PDE4B: variants seen among roughly 807,000 people sequenced by gnomAD.
The protein encoded by PDE4B is phosphodiesterase 4B.
A neutral mutation model predicts 82.2 loss-of-function variants in PDE4B; 20 were observed. The observed-to-expected ratio is 0.24, with a 90% CI of 0.17 to 0.35. PDE4B has a LOEUF of 0.35. Ranked by LOEUF, PDE4B falls within the 10% of genes least tolerant of loss-of-function variation. PDE4B has a pLI of 1.00. For missense variants in PDE4B, 655 were observed against 907.2 expected, an observed-to-expected ratio of 0.72 and a Z score of 3.57; for synonymous variants, 320 against 318.9, an observed-to-expected ratio of 1.00 and a Z score of -0.04.
In PDE4B at chr1:66,080,172, A is replaced by T. The variant is rs541116397; in HGVS notation, c.281+161337A>T. Among the ~76,000 whole-genome samples the T allele has an allele frequency of 1.2e-4, 19 of 152,238 alleles. 1 individual carries two copies. The highest frequency in any genetic ancestry group is 8.5e-4 in the Admixed American group (13 of 15,278). The stretch of plus-strand genomic sequence containing the variant: ...ATAATGGGAGCTATTGACCAGATTG[A>T]CATTTCTGTGGTTTTGTGCCATGGC... On this transcript the variant is annotated intron_variant, in intron 3 of 16. Transcript: ENST00000341517.
At chr1:66,219,055 A>T (rs1397924779) in intron 3 of PDE4B, among the ~76,000 whole-genome samples, 1 of 152,174 alleles carries the variant, frequency 6.6e-6, no homozygotes, top group Non-Finnish European at 1.5e-5. Context: ...CCACTCACTT[A>T]GGGTATATAA....
intron 1 of PDE4B, among the ~76,000 whole-genome samples, chr1:65,886,068 A>G (rs1028262392): frequency 2.0e-5 from 3 of 151,506 alleles, no homozygotes; most frequent in Non-Finnish European, 4.4e-5. Context: ...AAAGGAACAT[A>G]AAATATCTCA....
chr1:66,203,993 C>T (rs1649290934), intron 3 of PDE4B, among the ~76,000 whole-genome samples: 1 of 152,228 alleles, frequency 6.6e-6, no homozygotes, highest in Non-Finnish European at 1.5e-5. Context: ...TACTTTTGGT[C>T]TTTGATGATG....
chr1:66,268,667 C>CAAAA (rs36046564), intron 7 of PDE4B, among the ~76,000 whole-genome samples: 323 of 60,610 alleles, frequency 5.3e-3, no homozygotes, highest in Middle Eastern at 0.017. Flanking sequence ...GACTCCATCT[C>CAAAA]AAAAAAAAAA....
At chr1:66,362,397 G>A (rs894582488) in intron 10 of PDE4B, among the ~76,000 whole-genome samples, 4 of 152,062 alleles carry the variant, frequency 2.6e-5, no homozygotes, top group Non-Finnish European at 5.9e-5. Context: ...AGTGACTGCT[G>A]AGGTCCTCTC....
At chr1:66,274,185 AG>A (rs1459584595) in intron 7 of PDE4B, among the ~76,000 whole-genome samples, 1 of 149,758 alleles carries the variant, frequency 6.7e-6, no homozygotes, top group African/African-American at 2.5e-5. Flanking sequence ...TTTGAGATAG[AG>A]TTTCACTCTT....
In PDE4B at chr1:66,065,842, A is replaced by G. The variant is rs113208483; in HGVS notation, c.281+147007A>G. On this transcript the variant is annotated intron_variant, in intron 3 of 16. Transcript: ENST00000341517. ...TAAGAGTAGATATCAATGAATATAC[A>G]TATGCATGTTGTACGCTTACCGAGT... is the stretch of plus-strand genomic sequence containing the variant. Among the ~76,000 whole-genome samples the G allele has an allele frequency of 8.7e-3, 1,321 of 151,970 alleles. 18 individuals are homozygous for G. The highest frequency in any genetic ancestry group is 0.03 in the African/African-American group (1,237 of 41,512).
intron 1 of PDE4B, among the ~76,000 whole-genome samples, chr1:65,815,801 T>C (rs1645876320): frequency 6.6e-6 from 1 of 152,144 alleles, no homozygotes; most frequent in African/African-American, 2.4e-5. Flanking sequence ...TCAAAGAATA[T>C]TGGACAAAGT....
chr1:65,877,390 C>T (rs182320494), intron 1 of PDE4B, among the ~76,000 whole-genome samples: 3 of 152,070 alleles, frequency 2.0e-5, no homozygotes, highest in South Asian at 4.2e-4. Flanking sequence ...CTGAGATGGG[C>T]GGATCATGAG....
chr1:65,949,160 G>A lies in PDE4B; in HGVS notation c.281+30325G>A, dbSNP rs1648866184. On this transcript the variant is annotated intron_variant, in intron 3 of 16. Transcript: ENST00000341517. ...GATCCTATCATCTCCATTGCTATTA[G>A]GGAACCCACTACCATAACAATATCT... is the stretch of plus-strand genomic sequence containing the variant. 2.6e-5 allele frequency among the ~76,000 whole-genome samples: 4 copies of A among 151,966 alleles called. No homozygotes were observed. In the South Asian group the frequency reaches 8.3e-4, roughly 31 times the overall value.
At chr1:66,371,283 G>A (rs1469582310) in intron 16 of PDE4B, among the ~76,000 whole-genome samples, 2 of 151,648 alleles carry the variant, frequency 1.3e-5, no homozygotes, top group African/African-American at 4.8e-5. Context: ...CCATGGGTGG[G>A]TGCCCTTTGA....
intron 1 of PDE4B, among the ~76,000 whole-genome samples, chr1:65,807,087 T>C (rs1645762950): frequency 6.6e-6 from 1 of 152,036 alleles, no homozygotes; most frequent in African/African-American, 2.4e-5. Context: ...ATCCCTGGGG[T>C]CCTTTTACCT....
chr1:65,933,565 G>T (rs938580122), intron 3 of PDE4B, among the ~76,000 whole-genome samples: 1 of 152,050 alleles, frequency 6.6e-6, no homozygotes, highest in Non-Finnish European at 1.5e-5. Context: ...ATGGTGGCAG[G>T]CGCCTATAAT....
chr1:66,181,208 C>G (rs1270924728), intron 3 of PDE4B, among the ~76,000 whole-genome samples: 1 of 152,140 alleles, frequency 6.6e-6, no homozygotes, highest in African/African-American at 2.4e-5. Flanking sequence ...AATTTATTGT[C>G]TGTTTCACAG....
At chr1:65,919,313 G>T (rs1247193600) in intron 3 of PDE4B, among the ~76,000 whole-genome samples, 1 of 152,130 alleles carries the variant, frequency 6.6e-6, no homozygotes, top group African/African-American at 2.4e-5. Context: ...ATTGTAAATT[G>T]AAAGAGTAAT....
At chr1:66,244,530 C>G (rs1653146878) in intron 3 of PDE4B, among the ~76,000 whole-genome samples, 1 of 152,140 alleles carries the variant, frequency 6.6e-6, no homozygotes, top group Non-Finnish European at 1.5e-5. Context: ...TGTCCTCAGC[C>G]TTCCCTTTGC....
chr1:66,105,524 C>T (rs1314527899), intron 3 of PDE4B, among the ~76,000 whole-genome samples: 1 of 152,094 alleles, frequency 6.6e-6, no homozygotes, highest in South Asian at 2.1e-4. Context: ...TATAAATTAC[C>T]TTGGGCAGTA....
chr1:66,065,687 G>A (rs1655807755), intron 3 of PDE4B, among the ~76,000 whole-genome samples: 1 of 151,784 alleles, frequency 6.6e-6, no homozygotes, highest in Admixed American at 6.6e-5. Flanking sequence ...CTCATTTATA[G>A]AAGAAGGAAT....
intron 3 of PDE4B, among the ~76,000 whole-genome samples, chr1:65,940,528 G>T (rs1306622075): frequency 1.3e-5 from 2 of 152,164 alleles, no homozygotes; most frequent in Non-Finnish European, 2.9e-5. Context: ...AGAGATTATT[G>T]CAGGAAGGTA....
Sources: gnomAD v4.1 joint callset for allele counts (sites outside exome capture counted in the v4.1 genomes callset) on GRCh38, gnomAD v4.1.1 for gene constraint, MANE v1.5 for transcripts, NCBI Gene and HGNC (gene_info 2026-07-23, HGNC 2026-07-21) for gene names.